Variants in NPAS3 observed in about 807,000 individuals in gnomAD.
NPAS3 encodes neuronal PAS domain protein 3, also known as neuronal PAS domain-containing protein 3.
NPAS3 carries 14 observed loss-of-function variants against 73.1 expected under a neutral mutation model. The ratio of observed to expected loss-of-function variants is 0.19; its 90% CI spans 0.13 to 0.30. NPAS3 has a LOEUF of 0.30. Among genes scored for constraint, NPAS3 ranks in the 10% least tolerant of loss-of-function variants. The pLI is 1.00. For missense variants in NPAS3, 1,096 were observed against 1,250.0 expected (o/e 0.88, Z 1.86); for synonymous variants, 620 against 541.5 (o/e 1.14, Z -2.01).
At chr14:33,516,297 C>T (rs559184231) in intron 4 of NPAS3, among the ~76,000 whole-genome samples, 2 of 152,196 alleles carry the variant, frequency 1.3e-5, no homozygotes, top group South Asian at 2.1e-4. Context: ...TAAATACTTC[C>T]TCTTTCCTTT....
chr14:33,111,233 T>C (rs2042881953), intron 2 of NPAS3, among the ~76,000 whole-genome samples: 1 of 152,196 alleles, frequency 6.6e-6, no homozygotes, highest in Non-Finnish European at 1.5e-5. Context: ...TGCAGTCTCT[T>C]TGAATGTCCC....
intron 2 of NPAS3, among the ~76,000 whole-genome samples, chr14:33,088,306 G>C (rs1177190325): frequency 6.7e-6 from 1 of 149,780 alleles, no homozygotes; most frequent in East Asian, 1.9e-4. Flanking sequence ...AGCTGTGACA[G>C]ATGGCAACTG....
At chr14:33,276,623 C>T (rs937570344) in intron 3 of NPAS3, among the ~76,000 whole-genome samples, 6 of 151,836 alleles carry the variant, frequency 4.0e-5, no homozygotes, top group African/African-American at 9.7e-5. Context: ...TTTCCCTGAG[C>T]TTCATTTAGT....
intron 4 of NPAS3, among the ~76,000 whole-genome samples, chr14:33,493,707 T>C (rs1421353738): frequency 6.6e-6 from 1 of 152,140 alleles, no homozygotes; most frequent in Admixed American, 6.6e-5. Context: ...CCAATTTCAC[T>C]AAAATTTAGT....
chr14:33,074,427 C>CT (rs35291971), intron 2 of NPAS3, among the ~76,000 whole-genome samples: 2 of 152,020 alleles, frequency 1.3e-5, no homozygotes, highest in African/African-American at 4.8e-5. Flanking sequence ...TTCTTTCTTT[C>CT]TTTTTTTGAG....
intron 3 of NPAS3, among the ~76,000 whole-genome samples, chr14:33,263,583 G>T (rs1214941083): frequency 6.6e-6 from 1 of 152,136 alleles, no homozygotes; most frequent in African/African-American, 2.4e-5. Context: ...TTTTGGCTTA[G>T]GATTGACTTG....
intron 4 of NPAS3, among the ~76,000 whole-genome samples, chr14:33,477,751 T>C (rs1353572579): frequency 6.6e-6 from 1 of 152,194 alleles, no homozygotes; most frequent in Non-Finnish European, 1.5e-5. Context: ...GTAATAATTT[T>C]TCACTAAGAA....
At chr14:33,540,960 T>A in intron 4 of NPAS3, among the ~76,000 whole-genome samples, 1 of 152,088 alleles carries the variant, frequency 6.6e-6, no homozygotes, top group East Asian at 1.9e-4. Context: ...TTTTTATTAA[T>A]CTCTTGTTTA....
chr14:33,227,212 G>A (rs1376501291), intron 3 of NPAS3, among the ~76,000 whole-genome samples: 3 of 152,060 alleles, frequency 2.0e-5, no homozygotes, highest in African/African-American at 7.2e-5. Flanking sequence ...ATCTTCTATG[G>A]ATACTGAGCT....
At chr14:33,673,205 T>C (rs1248586549) in intron 5 of NPAS3, among the ~76,000 whole-genome samples, 1 of 152,162 alleles carries the variant, frequency 6.6e-6, no homozygotes, top group Non-Finnish European at 1.5e-5. Flanking sequence ...AACTCAGAGG[T>C]CTCTGCTTAG....
intron 4 of NPAS3, among the ~76,000 whole-genome samples, chr14:33,386,906 C>T (rs758930858): frequency 3.9e-5 from 6 of 151,992 alleles, no homozygotes; most frequent in Non-Finnish European, 7.4e-5. Context: ...AGTATAGGCT[C>T]TTAGCATTAA....
rs189234862 is a variant in NPAS3 at position 33,462,960 on chromosome 14, T to C, written c.468+95692T>C. 5.9e-5 allele frequency among the ~76,000 whole-genome samples: 9 copies of C among 152,364 alleles called. No individual in the cohort carries two copies. The East Asian group carries it at 1.7e-3, about 29-fold the overall frequency. On this transcript the variant is annotated intron_variant, in intron 4 of 11. Transcript: ENST00000356141. ...ACTGGCAGACAGAAAGGTAAGTAGG[T>C]AATAAATGGTCATTCTTGTTTTTCT... is the stretch of plus-strand genomic sequence containing the variant.
chr14:33,317,596 G>A (rs1292769419), intron 3 of NPAS3, among the ~76,000 whole-genome samples: 1 of 152,022 alleles, frequency 6.6e-6, no homozygotes, highest in African/African-American at 2.4e-5. Flanking sequence ...GTGATAGTGA[G>A]TTCTCATGAG....
intron 3 of NPAS3, among the ~76,000 whole-genome samples, chr14:33,265,750 T>C (rs2040785189): frequency 1.3e-5 from 2 of 152,244 alleles, no homozygotes; most frequent in South Asian, 4.1e-4. Flanking sequence ...TACTATATTC[T>C]GCTACTTTCT....
intron 4 of NPAS3, among the ~76,000 whole-genome samples, chr14:33,488,156 A>G (rs1390125320): frequency 6.6e-6 from 1 of 152,100 alleles, no homozygotes; most frequent in African/African-American, 2.4e-5. Context: ...GAAGGAGGTA[A>G]GAAGGCATTG....
chr14:33,367,282 A>G lies in NPAS3; in HGVS notation c.468+14A>G. The G allele has an allele frequency of 1.2e-6, 1 of 843,300 alleles. No homozygotes were observed. The highest frequency in any genetic ancestry group is 2.0e-6 in the Non-Finnish European group (1 of 492,368). The allele number at this position is 843,300 out of a possible 1,614,324, so 52.2% of individuals were successfully genotyped here. On this transcript the variant is annotated intron_variant, in intron 4 of 11. Transcript: ENST00000356141. The stretch of plus-strand genomic sequence containing the variant: ...CACATTTTGCAGGTACCTTTAAAAC[A>G]AAAAGAAGCTTTCTTATATTTTACT...
intron 2 of NPAS3, among the ~76,000 whole-genome samples, chr14:33,145,610 G>A (rs2044210719): frequency 6.6e-6 from 1 of 152,030 alleles, no homozygotes; most frequent in African/African-American, 2.4e-5. Flanking sequence ...TTGTCCTTCT[G>A]AGGTCTAGAA....
At chr14:33,533,074 TA>T (rs1490396731) in intron 4 of NPAS3, among the ~76,000 whole-genome samples, 1 of 152,006 alleles carries the variant, frequency 6.6e-6, no homozygotes, top group Non-Finnish European at 1.5e-5. Flanking sequence ...ACAGTGGAAA[TA>T]ATAGAAGAGA....
chr14:33,563,607 T>C (rs2055775094), intron 5 of NPAS3, among the ~76,000 whole-genome samples: 1 of 151,398 alleles, frequency 6.6e-6, no homozygotes, highest in South Asian at 2.1e-4. Context: ...CAAGAACTGG[T>C]TTCAGGTTAT....
Sources: gnomAD v4.1 joint callset for allele counts (sites outside exome capture counted in the v4.1 genomes callset) on GRCh38, gnomAD v4.1.1 for gene constraint, MANE v1.5 for transcripts, NCBI Gene and HGNC (gene_info 2026-07-23, HGNC 2026-07-21) for gene names.